CPPED1: variants seen among roughly 807,000 people sequenced by gnomAD.
The protein encoded by CPPED1 is serine/threonine-protein phosphatase CPPED1.
In CPPED1, 28 loss-of-function variants were observed where a neutral mutation model predicts 28.0. That is an observed-to-expected ratio of 1.00 (90% CI 0.74 to 1.37). The LOEUF (loss-of-function observed/expected upper bound fraction) is 1.37, where lower values mean the gene tolerates loss of function less well. Ranked by LOEUF, CPPED1 falls within the 40% of genes most tolerant of loss-of-function variation. CPPED1 has a pLI of 0.00. For missense variants in CPPED1, 504 were observed against 416.5 expected (o/e 1.21, Z -1.83); for synonymous variants, 198 against 180.2 (o/e 1.10, Z -0.79).
chr16:12,761,873 T>C (rs1490858334), intron 2 of CPPED1, among the ~76,000 whole-genome samples: 1 of 152,066 alleles, frequency 6.6e-6, no homozygotes, highest in Non-Finnish European at 1.5e-5. Context: ...TAGCCGGGCA[T>C]GGTGGCACGT....
intron 2 of CPPED1, among the ~76,000 whole-genome samples, chr16:12,739,072 T>C (rs993345005): frequency 6.6e-6 from 1 of 152,254 alleles, no homozygotes; most frequent in Middle Eastern, 3.4e-3. Context: ...TACCGAGCTG[T>C]GTAACCTTAA....
intron 3 of CPPED1, among the ~76,000 whole-genome samples, chr16:12,695,642 G>A (rs886130789): frequency 1.1e-4 from 17 of 152,204 alleles, no homozygotes; most frequent in African/African-American, 4.1e-4. Flanking sequence ...AAACAGAATA[G>A]AACATACTCT....
At chr16:12,716,706 GT>G (rs1291303067) in intron 2 of CPPED1, among the ~76,000 whole-genome samples, 3 of 152,222 alleles carry the variant, frequency 2.0e-5, no homozygotes, top group African/African-American at 7.2e-5. Context: ...AGCAGGCTTA[GT>G]CATTACAGGG....
At chr16:12,776,139 C>G (rs1028812635) in intron 2 of CPPED1, among the ~76,000 whole-genome samples, 8 of 152,100 alleles carry the variant, frequency 5.3e-5, no homozygotes, top group African/African-American at 1.9e-4. Context: ...GCAGGAGAAT[C>G]AGAGTAACAG....
intron 1 of CPPED1, among the ~76,000 whole-genome samples, chr16:12,800,749 TC>T (rs2080654584): frequency 6.6e-6 from 1 of 152,068 alleles, no homozygotes; most frequent in Non-Finnish European, 1.5e-5. Flanking sequence ...CTCAGAGACT[TC>T]CTTCAGCCCT....
intron 1 of CPPED1, among the ~76,000 whole-genome samples, chr16:12,802,889 C>G (rs928925259): frequency 3.3e-5 from 5 of 152,160 alleles, no homozygotes; most frequent in Non-Finnish European, 5.9e-5. Context: ...GGACACAAGC[C>G]TGATCATATA....
At chr16:12,738,561 T>G (rs1312443401) in intron 2 of CPPED1, among the ~76,000 whole-genome samples, 2 of 152,180 alleles carry the variant, frequency 1.3e-5, no homozygotes, top group African/African-American at 4.8e-5. Flanking sequence ...GACCACTGAT[T>G]CATTTATTCA....
intron 3 of CPPED1, among the ~76,000 whole-genome samples, chr16:12,667,627 T>C (rs940940777): frequency 1.3e-5 from 2 of 152,010 alleles, no homozygotes; most frequent in African/African-American, 4.8e-5. Context: ...ATTCTAGACA[T>C]CAATCAAAGA....
intron 3 of CPPED1, among the ~76,000 whole-genome samples, chr16:12,688,076 C>A (rs2079942527): frequency 6.6e-6 from 1 of 151,182 alleles, no homozygotes; most frequent in African/African-American, 2.4e-5. Context: ...GTCTCCCAGG[C>A]TACACTGCAG....
chr16:12,669,420 C>T (rs1441760968), intron 3 of CPPED1, among the ~76,000 whole-genome samples: 1 of 151,970 alleles, frequency 6.6e-6, no homozygotes, highest in African/African-American at 2.4e-5. Flanking sequence ...ACTTGCACAA[C>T]CTTGTGAATA....
At chr16:12,780,919 G>A (rs926981581) in intron 2 of CPPED1, 6 of 471,776 alleles carry the variant, frequency 1.3e-5, no homozygotes, top group Admixed American at 3.6e-5. Flanking sequence ...AAGGTGATGT[G>A]TGGGAATCTG....
At chr16:12,782,841 A>T (rs1015730964) in intron 1 of CPPED1, among the ~76,000 whole-genome samples, 24 of 152,232 alleles carry the variant, frequency 1.6e-4, no homozygotes, top group African/African-American at 5.5e-4. Flanking sequence ...ACTGCACTCC[A>T]GCCTGGGTGA....
chr16:12,703,867 G>A (rs1001872734), intron 3 of CPPED1, among the ~76,000 whole-genome samples: 2 of 152,160 alleles, frequency 1.3e-5, no homozygotes, highest in African/African-American at 2.4e-5. Context: ...GGAGGTGGGT[G>A]GGCTAGTGCC....
intron 3 of CPPED1, among the ~76,000 whole-genome samples, chr16:12,687,938 A>G (rs865923068): frequency 3.3e-5 from 5 of 151,996 alleles, no homozygotes; most frequent in Non-Finnish European, 5.9e-5. Context: ...ACAACAAAAG[A>G]ATGAAGGAAG....
intron 2 of CPPED1, among the ~76,000 whole-genome samples, chr16:12,742,027 C>T (rs1381942134): frequency 6.6e-6 from 1 of 152,018 alleles, no homozygotes; most frequent in African/African-American, 2.4e-5. Context: ...GATCAGACCA[C>T]TGCACTCCAG....
intron 1 of CPPED1, among the ~76,000 whole-genome samples, chr16:12,792,105 C>T (rs1266521230): frequency 1.3e-5 from 2 of 152,168 alleles, no homozygotes; most frequent in South Asian, 2.1e-4. Flanking sequence ...GAGTGCGCCA[C>T]CACACCCAGC....
rs114535971 is a variant in CPPED1, at chr16:12,761,347, G to A, written c.289+19838C>T. Among the ~76,000 whole-genome samples, 1,361 of 151,986 alleles carry A rather than the reference G, an allele frequency of 9.0e-3. 12 individuals are homozygous for A. The highest frequency in any genetic ancestry group is 0.032 in the African/African-American group (1,313 of 41,460). The stretch of plus-strand genomic sequence containing the variant: ...AAAAGAGGAGAAGTTCTGAGTTTCT[G>A]AGATGGGCTGGAAGCACATGGTCAC... On this transcript the variant is annotated intron_variant, in intron 2 of 3. Coordinates refer to ENST00000381774, the MANE Select transcript of CPPED1 (RefSeq NM_018340.3).
At chr16:12,726,403 G>C (rs2141201897) in intron 2 of CPPED1, among the ~76,000 whole-genome samples, 1 of 146,964 alleles carries the variant, frequency 6.8e-6, no homozygotes, top group Admixed American at 6.8e-5. Flanking sequence ...AGTGCAGTGG[G>C]GTGATCTCAG....
At chr16:12,690,638 G>T (rs1314556465) in intron 3 of CPPED1, among the ~76,000 whole-genome samples, 1 of 130,320 alleles carries the variant, frequency 7.7e-6, no homozygotes, top group African/African-American at 2.9e-5. Context: ...GCAAAATAGT[G>T]AAACAGTGAG....
Sources: allele counts gnomAD v4.1 joint callset (sites outside exome capture counted in the v4.1 genomes callset), GRCh38; gene constraint gnomAD v4.1.1; transcripts MANE v1.5; gene names NCBI Gene and HGNC (gene_info 2026-07-23, HGNC 2026-07-21).